The following JAKMIP3 variants were observed in gnomAD, a reference collection of about 807,000 sequenced individuals.
The protein encoded by JAKMIP3 is janus kinase and microtubule-interacting protein 3.
In JAKMIP3, 58 loss-of-function variants were observed where a neutral mutation model predicts 118.5. The ratio of observed to expected loss-of-function variants is 0.49; its 90% CI spans 0.40 to 0.61. The LOEUF is 0.61. Ranked by LOEUF, JAKMIP3 falls within the 20% of genes least tolerant of loss-of-function variation. The pLI is 0.00. For synonymous variants in JAKMIP3, 486 were observed against 451.2 expected (o/e 1.08, Z -0.98); for missense variants, 950 against 1,109.0 (o/e 0.86, Z 2.04).
At chr10:132,122,413 G>A (rs2048728114) in intron 3 of JAKMIP3, among the ~76,000 whole-genome samples, 1 of 152,286 alleles carries the variant, frequency 6.6e-6, no homozygotes, top group Non-Finnish European at 1.5e-5. Flanking sequence ...GTGCCAACGG[G>A]AGGCTGTTGC....
In JAKMIP3 at chr10:132,180,720, CGTGTGTGT is replaced by C. The variant is rs1161680680; in HGVS notation, c.*1104-1635_*1104-1628del. ...GCGTGTGTGTGTGCGCGTGTGTGTG[CGTGTGTGT>C]GCGTGTGTGCGTGCGTGCGCGCGCG... On this transcript the variant is annotated intron_variant, in intron 23 of 23. Coordinates refer to ENST00000684848, the MANE Select transcript of JAKMIP3 (RefSeq NM_001323087.2). 4.2e-3 allele frequency among the ~76,000 whole-genome samples: 71 copies of C among 17,012 alleles called. 15 individuals are homozygous for C. The highest frequency in any genetic ancestry group is 0.029 in the East Asian group (6 of 208). The allele number at this position is 17,012 out of a possible 152,430, so 11.2% of individuals were successfully genotyped here.
chr10:132,174,178 C>T (rs1018060989), intron 23 of JAKMIP3, among the ~76,000 whole-genome samples: 7 of 151,986 alleles, frequency 4.6e-5, no homozygotes, highest in Middle Eastern at 3.2e-3. Flanking sequence ...ACCAACCCAG[C>T]CCCAACACAG....
At position 132,164,656 on chromosome 10, in the gene JAKMIP3, T is replaced by G; in HGVS notation, c.2425-14T>G. Reference sequence around the variant, plus strand: ...CTGTGACTATTGAAGATGTTCTTCCTTTTAATCTTGCAGAGAATTAAAGAG... The same window carrying G: ...CTGTGACTATTGAAGATGTTCTTCCGTTTAATCTTGCAGAGAATTAAAGAG... On this transcript the variant is annotated splice_polypyrimidine_tract_variant and intron_variant, in intron 20 of 23. Coordinates refer to ENST00000684848, the MANE Select transcript of JAKMIP3 (RefSeq NM_001323087.2). The G allele has an allele frequency of 6.5e-7, 1 of 1,527,668 alleles. No homozygotes were observed. Among genetic ancestry groups the G allele is most frequent in the African/African-American group, 1.4e-5 (1 of 73,098 alleles). The allele number at this position is 1,527,668 out of a possible 1,614,324, so 94.6% of individuals were successfully genotyped here.
At chr10:132,046,307 A>T (rs2379216) in intron 1 of JAKMIP3, among the ~76,000 whole-genome samples, 116,880 of 152,006 alleles carry the variant, frequency 0.77, 45,353 homozygotes, top group East Asian at 1. Flanking sequence ...TAGAAAAAAA[A>T]TAGCTGGGCG....
At chr10:132,098,190 G>C (rs1373781460) in intron 1 of JAKMIP3, among the ~76,000 whole-genome samples, 2 of 151,530 alleles carry the variant, frequency 1.3e-5, no homozygotes, top group African/African-American at 4.8e-5. Flanking sequence ...TGCCCACCTG[G>C]TTAATTTATT....
At chr10:132,151,074 A>G (rs1564968563) in intron 16 of JAKMIP3, among the ~76,000 whole-genome samples, 2 of 151,596 alleles carry the variant, frequency 1.3e-5, no homozygotes, top group Admixed American at 6.6e-5. Context: ...TCACCCATCC[A>G]TCCATCTCCC....
intron 2 of JAKMIP3, 88 bp downstream of exon 2, chr10:132,105,031 C>G: frequency 6.9e-7 from 1 of 1,455,408 alleles, no homozygotes; most frequent in Non-Finnish European, 9.3e-7. Flanking sequence ...TGGGTTTGGC[C>G]AGATCCCTGT....
intron 1 of JAKMIP3, among the ~76,000 whole-genome samples, chr10:132,099,289 G>A (rs185977258): frequency 6.6e-6 from 1 of 152,286 alleles, no homozygotes; most frequent in Admixed American, 6.5e-5. Context: ...ACATCCATCA[G>A]CTGTAAAGCT....
rs558633864 is a variant in JAKMIP3 at position 132,104,402 on chromosome 10, G to A, written c.-137-270G>A. On this transcript the variant is annotated intron_variant, in intron 1 of 23. Coordinates refer to ENST00000684848, the MANE Select transcript of JAKMIP3 (RefSeq NM_001323087.2). ...TCCCTCACTCTCTGATTCCTAAGAGGGAAAAGAATTCACCCGTGCTGAGTG... is the reference window on the plus strand; with the variant it reads ...TCCCTCACTCTCTGATTCCTAAGAGAGAAAAGAATTCACCCGTGCTGAGTG... 1.2e-4 allele frequency among the ~76,000 whole-genome samples: 18 copies of A among 152,326 alleles called. 1 individual carries two copies. Among genetic ancestry groups the A allele is most frequent in the African/African-American group, 3.8e-4 (16 of 41,568 alleles).
chr10:132,095,476 T>C (rs1791444092), intron 1 of JAKMIP3, among the ~76,000 whole-genome samples: 1 of 152,174 alleles, frequency 6.6e-6, no homozygotes, highest in Admixed American at 6.5e-5. Flanking sequence ...GATCTAGACC[T>C]TCAGGTTCTG....
chr10:132,167,106 A>G (rs2058985581), intron 22 of JAKMIP3, 51 bp downstream of exon 22: 9 of 1,275,912 alleles, frequency 7.1e-6, no homozygotes, highest in South Asian at 1.3e-5. Context: ...TGCTTCCCGG[A>G]AGACTCCTCT....
intron 3 of JAKMIP3, among the ~76,000 whole-genome samples, chr10:132,123,159 G>A (rs1470298166): frequency 6.6e-6 from 1 of 152,172 alleles, no homozygotes; most frequent in East Asian, 1.9e-4. Flanking sequence ...CAGGTGCGAT[G>A]ACCAGTGCCC....
At chr10:132,170,662 G>A (rs2059404628) in intron 23 of JAKMIP3, among the ~76,000 whole-genome samples, 1 of 152,180 alleles carries the variant, frequency 6.6e-6, no homozygotes, top group Non-Finnish European at 1.5e-5. Context: ...GTCCATGGGG[G>A]CGGTCAGGGT....
intron 1 of JAKMIP3, among the ~76,000 whole-genome samples, chr10:132,094,605 T>C (rs1314604672): frequency 6.6e-6 from 1 of 152,118 alleles, no homozygotes; most frequent in East Asian, 1.9e-4. Context: ...GAGCTGTCTG[T>C]GGGCCTCTTG....
chr10:132,042,852 G>A (rs1454313852), intron 1 of JAKMIP3, among the ~76,000 whole-genome samples: 1 of 151,942 alleles, frequency 6.6e-6, no homozygotes, highest in Non-Finnish European at 1.5e-5. Flanking sequence ...TCCTTTGGGA[G>A]CCCAGGGTGG....
intron 1 of JAKMIP3, among the ~76,000 whole-genome samples, chr10:132,042,866 G>A (rs2037803241): frequency 6.6e-6 from 1 of 151,796 alleles, no homozygotes; most frequent in African/African-American, 2.4e-5. Flanking sequence ...AGGGTGGGTG[G>A]ATTGCTTGAA....
intron 1 of JAKMIP3, among the ~76,000 whole-genome samples, chr10:132,086,941 A>G (rs2042473376): frequency 6.6e-6 from 1 of 151,846 alleles, no homozygotes; most frequent in African/African-American, 2.4e-5. Flanking sequence ...GTTTAATTGT[A>G]TTTTTGTTTT....
At chr10:132,057,018 G>C (rs1460358347) in intron 1 of JAKMIP3, among the ~76,000 whole-genome samples, 1 of 152,138 alleles carries the variant, frequency 6.6e-6, no homozygotes, top group Admixed American at 6.5e-5. Flanking sequence ...TCCACCCTGG[G>C]GGTGGCTCTC....
intron 23 of JAKMIP3, among the ~76,000 whole-genome samples, chr10:132,178,413 TC>T (rs1264355409): frequency 6.6e-6 from 1 of 152,028 alleles, no homozygotes; most frequent in Non-Finnish European, 1.5e-5. Context: ...TTTCATATTT[TC>T]CCCAAATCAG....
Sources: gnomAD v4.1 joint callset for allele counts (sites outside exome capture counted in the v4.1 genomes callset) on GRCh38, gnomAD v4.1.1 for gene constraint, MANE v1.5 for transcripts, NCBI Gene and HGNC (gene_info 2026-07-23, HGNC 2026-07-21) for gene names.